The following AUTS2 variants were observed in gnomAD, a reference collection of about 807,000 sequenced individuals.
AUTS2 encodes the protein activator of transcription and developmental regulator AUTS2, also known as autism susceptibility gene 2 protein.
In AUTS2, 17 loss-of-function variants were observed where a neutral mutation model predicts 112.4. The ratio of observed to expected loss-of-function variants is 0.15; its 90% CI spans 0.10 to 0.23. AUTS2 has a LOEUF of 0.23. Among genes scored for constraint, AUTS2 ranks in the 10% least tolerant of loss-of-function variants. AUTS2 has a pLI of 1.00. For missense variants in AUTS2, 1,510 were observed against 1,701.6 expected, an observed-to-expected ratio of 0.89 and a Z score of 1.98; for synonymous variants, 751 against 702.7, an observed-to-expected ratio of 1.07 and a Z score of -1.09.
chr7:70,708,355 T>C (rs559250024), intron 6 of AUTS2, among the ~76,000 whole-genome samples: 29 of 152,322 alleles, frequency 1.9e-4, no homozygotes, highest in African/African-American at 7.0e-4. Flanking sequence ...ATTGGTCAGC[T>C]GTTAAAGAAA....
chr7:70,173,372 AAAAG>A (rs1304462306), intron 4 of AUTS2, among the ~76,000 whole-genome samples: 18 of 152,192 alleles, frequency 1.2e-4, no homozygotes, highest in Middle Eastern at 3.4e-3. Context: ...AAAAAAAAAA[AAAAG>A]AAAGAGAGAA....
chr7:69,808,715 G>A (rs1280296883), intron 1 of AUTS2, among the ~76,000 whole-genome samples: 1 of 152,138 alleles, frequency 6.6e-6, no homozygotes, highest in Non-Finnish European at 1.5e-5. Flanking sequence ...AGCAGGAGCT[G>A]TAGCTCCTGA....
chr7:70,251,456 A>G (rs575703594), intron 4 of AUTS2, among the ~76,000 whole-genome samples: 1 of 152,292 alleles, frequency 6.6e-6, no homozygotes, highest in African/African-American at 2.4e-5. Flanking sequence ...GACCACTTTT[A>G]TCAGTTAAAT....
intron 2 of AUTS2, among the ~76,000 whole-genome samples, chr7:70,108,455 G>A (rs1265722436): frequency 6.6e-6 from 1 of 151,984 alleles, no homozygotes; most frequent in Non-Finnish European, 1.5e-5. Context: ...ACGGTATAAT[G>A]AACCCAACAT....
chr7:70,743,677 GC>G (rs1732499107), intron 6 of AUTS2, among the ~76,000 whole-genome samples: 1 of 152,134 alleles, frequency 6.6e-6, no homozygotes, highest in Non-Finnish European at 1.5e-5. Flanking sequence ...GATTTGTGGT[GC>G]CTTCTGGAGG....
chr7:69,602,036 A>ATGTG (rs1158164179), intron 1 of AUTS2, among the ~76,000 whole-genome samples: 1 of 17,970 alleles, frequency 5.6e-5, no homozygotes, highest in Non-Finnish European at 1.4e-4. Context: ...ATATATATAT[A>ATGTG]TATATGTGTG....
At chr7:69,684,359 T>A (rs1231829603) in intron 1 of AUTS2, among the ~76,000 whole-genome samples, 1 of 152,342 alleles carries the variant, frequency 6.6e-6, no homozygotes, top group South Asian at 2.1e-4. Context: ...TTTCATGAGC[T>A]TGCTGCCCTG....
At chr7:69,650,462 T>G (rs1320193173) in intron 1 of AUTS2, among the ~76,000 whole-genome samples, 2 of 152,192 alleles carry the variant, frequency 1.3e-5, no homozygotes, top group Non-Finnish European at 2.9e-5. Flanking sequence ...CTGGCCACTG[T>G]AAAGTACTCT....
chr7:70,294,652 C>T (rs759412659), intron 4 of AUTS2, among the ~76,000 whole-genome samples: 2 of 152,170 alleles, frequency 1.3e-5, no homozygotes, highest in Non-Finnish European at 2.9e-5. Flanking sequence ...TGCTCAGCAC[C>T]ATTCGGTCAC....
intron 2 of AUTS2, among the ~76,000 whole-genome samples, chr7:70,098,852 G>A (rs1403601462): frequency 5.3e-5 from 8 of 151,744 alleles, no homozygotes; most frequent in Non-Finnish European, 1.0e-4. Flanking sequence ...ACAAGCGTGC[G>A]CCATCACGCC....
chr7:69,689,779 G>A (rs552944410), intron 1 of AUTS2, among the ~76,000 whole-genome samples: 1 of 151,450 alleles, frequency 6.6e-6, no homozygotes, highest in African/African-American at 2.4e-5. Flanking sequence ...CCAGGCTCAA[G>A]TAATTCTCCT....
intron 4 of AUTS2, among the ~76,000 whole-genome samples, chr7:70,159,910 T>G (rs1807985230): frequency 6.6e-6 from 1 of 152,162 alleles, no homozygotes; most frequent in African/African-American, 2.4e-5. Context: ...GAAGGGTATA[T>G]AATGTCAGCA....
chr7:70,233,541 C>T (rs1372170887), intron 4 of AUTS2, among the ~76,000 whole-genome samples: 2 of 152,136 alleles, frequency 1.3e-5, no homozygotes, highest in East Asian at 1.9e-4. Flanking sequence ...AGGTCTGCTG[C>T]GTTTAGAAAT....
chr7:70,331,964 G>A (rs944307389), intron 4 of AUTS2, among the ~76,000 whole-genome samples: 4 of 152,136 alleles, frequency 2.6e-5, no homozygotes, highest in Non-Finnish European at 5.9e-5. Context: ...TTCTGGCTAG[G>A]CAGTCAGGCA....
intron 5 of AUTS2, among the ~76,000 whole-genome samples, chr7:70,671,592 G>T (rs1469411230): frequency 1.3e-5 from 2 of 152,156 alleles, no homozygotes; most frequent in African/African-American, 4.8e-5. Context: ...CACATTTCAA[G>T]GCTCTGCTTT....
chr7:70,670,899 C>T (rs570564248), intron 5 of AUTS2, among the ~76,000 whole-genome samples: 8 of 152,262 alleles, frequency 5.3e-5, no homozygotes, highest in Non-Finnish European at 8.8e-5. Context: ...AGGCGGGGTG[C>T]GGTGGCTCAC....
In AUTS2 at chr7:69,720,749, G is replaced by A. The variant is rs190813856; in HGVS notation, c.309+120787G>A. Among the ~76,000 whole-genome samples, 424 of 152,292 alleles carry A rather than the reference G, an allele frequency of 2.8e-3. 2 individuals are homozygous for A. The highest frequency in any genetic ancestry group is 8.7e-3 in the African/African-American group (363 of 41,576). Reference sequence around the variant, plus strand: ...TTAGGGAGGAAATTCTGCCTAAGAAGTCAGACAGCTTCTGCTGTTATTACG... The same window carrying A: ...TTAGGGAGGAAATTCTGCCTAAGAAATCAGACAGCTTCTGCTGTTATTACG... On this transcript the variant is annotated intron_variant, in intron 1 of 18. Transcript: ENST00000342771.
intron 2 of AUTS2, among the ~76,000 whole-genome samples, chr7:70,033,023 T>C (rs1800849678): frequency 6.6e-6 from 1 of 152,146 alleles, no homozygotes; most frequent in African/African-American, 2.4e-5. Context: ...TTAGTAGTTG[T>C]CTAGGGGTGA....
At chr7:69,756,904 C>A (rs1787967809) in intron 1 of AUTS2, among the ~76,000 whole-genome samples, 4 of 152,052 alleles carry the variant, frequency 2.6e-5, no homozygotes, top group Admixed American at 2.6e-4. Flanking sequence ...CTTAAAAAGT[C>A]AGTATTTGCT....
Sources: allele counts gnomAD v4.1 joint callset (sites outside exome capture counted in the v4.1 genomes callset), GRCh38; gene constraint gnomAD v4.1.1; transcripts MANE v1.5; gene names NCBI Gene and HGNC (gene_info 2026-07-23, HGNC 2026-07-21).